The following SLC9A6 variants were observed in gnomAD, a reference collection of about 807,000 sequenced individuals.
The protein encoded by SLC9A6 is sodium/hydrogen exchanger 6.
Under a neutral mutation model 45.3 loss-of-function variants are expected in SLC9A6, and 6 were observed. The observed-to-expected ratio is 0.13, with a 90% CI of 0.07 to 0.26. The LOEUF (loss-of-function observed/expected upper bound fraction) is 0.26. Among genes scored for constraint, SLC9A6 ranks in the 10% least tolerant of loss-of-function variants. The pLI, the probability that SLC9A6 is intolerant of heterozygous loss-of-function variation, is 1.00. For synonymous variants in SLC9A6, 191 were observed against 187.7 expected (o/e 1.02, Z -0.14); for missense variants, 278 against 503.7 (o/e 0.55, Z 4.29).
chrX:135,979,102 A>G (rs1268608892), intron 1 of SLC9A6, among the ~76,000 whole-genome samples: 7 of 111,259 alleles, frequency 6.3e-5, no homozygotes, highest in African/African-American at 2.0e-4. Flanking sequence ...GCAGCACCCA[A>G]TTAAAGCTTT....
intron 2 of SLC9A6, among the ~76,000 whole-genome samples, chrX:135,990,698 C>T (rs1556615583): frequency 9.0e-6 from 1 of 110,572 alleles, no homozygotes; most frequent in Admixed American, 9.7e-5. Flanking sequence ...AGTGGGCACT[C>T]GGGAGGCGGA....
chrX:136,001,968 T>C (rs2089590712), intron 6 of SLC9A6, 140 bp from the exon 7 acceptor site: 1 of 461,595 alleles, frequency 2.2e-6, no homozygotes, highest in East Asian at 3.8e-5. Flanking sequence ...TACGGGGTCT[T>C]TAATATGGTA....
At position 136,022,689 on chromosome X, in the gene SLC9A6, T is replaced by C; in HGVS notation, c.1298T>C (p.Met433Thr). Residue 433 changes from methionine (M) to threonine (T), a missense_variant, in exon 12 of 18, where the codon ATG (methionine) becomes ACG (threonine). Met to Thr is a moderately conservative substitution (Grantham distance 81). Around this residue, in one of 5 missense-constraint regions of SLC9A6, gnomAD observed 15 missense variants for 58.1 expected, o/e 0.26. Transcript: ENST00000630721. ...GGATCAAATTTTCAACACATGATGATGTTTGCTGGTAAGTTGTAACTTTCT... is the reference window on the plus strand; with the variant it reads ...GGATCAAATTTTCAACACATGATGACGTTTGCTGGTAAGTTGTAACTTTCT... The part of the protein sequence containing the change: ...KIGSNFQHMM[M>T]FAGLRGAMAF... The C allele has an allele frequency of 8.6e-7, 1 of 1,161,174 alleles. No homozygotes were observed. The highest frequency in any genetic ancestry group is 1.2e-6 in the Non-Finnish European group (1 of 852,990).
At chrX:135,974,935 G>A in intron 1 of SLC9A6, 1 of 249,276 alleles carries the variant, frequency 4.0e-6, no homozygotes, top group South Asian at 4.0e-5. Flanking sequence ...CTCTGATCCG[G>A]GTAAAATGTA....
rs189012357 is a variant in SLC9A6, at chrX:136,043,574, A to C, written c.1768-878A>C. Among the ~76,000 whole-genome samples, 497 of 112,292 alleles carry C rather than the reference A, an allele frequency of 4.4e-3. 3 individuals are homozygous for C. Among genetic ancestry groups the C allele is most frequent in the African/African-American group, 0.015 (468 of 30,949 alleles). ...CATCAATGACAGACTGTTTTATGCT[A>C]GATCAATGTGAATATTTAGAATGAT... On this transcript the variant is annotated intron_variant, in intron 17 of 17. Coordinates refer to ENST00000630721, the MANE Select transcript of SLC9A6 (RefSeq NM_001379110.1).
chrX:136,018,017 G>A (rs2071053856), intron 11 of SLC9A6, among the ~76,000 whole-genome samples: 1 of 110,421 alleles, frequency 9.1e-6, no homozygotes, highest in African/African-American at 3.4e-5. Context: ...AACTGAGTGA[G>A]CTGAGAGAGC....
chrX:136,004,019 G>GGT (rs1205147099), intron 7 of SLC9A6, among the ~76,000 whole-genome samples: 14 of 108,224 alleles, frequency 1.3e-4, no homozygotes, highest in Non-Finnish European at 2.7e-4. Flanking sequence ...GTTACTATAA[G>GGT]GTGTTTGCAG....
rs376254654 is a variant in SLC9A6 at position 136,010,224 on chromosome X, A to AC, written c.744-208dup. Reference sequence around the variant, plus strand: ...CATATAGAGGATTTTACAATGTTCTACCCCCCCCCCGAAATTAACATTTAA... The same window carrying AC: ...CATATAGAGGATTTTACAATGTTCTACCCCCCCCCCCGAAATTAACATTTAA... On this transcript the variant is annotated intron_variant, in intron 7 of 17. Coordinates refer to ENST00000630721, the MANE Select transcript of SLC9A6 (RefSeq NM_001379110.1). 28,294 of 215,628 alleles carry AC rather than the reference A, an allele frequency of 0.13. 1,510 individuals are homozygous for AC. The highest frequency in any genetic ancestry group is 0.17 in the Non-Finnish European group (20,039 of 118,208). The allele number at this position is 215,628 out of a possible 1,213,427, so 17.8% of individuals were successfully genotyped here. A position where few individuals can be genotyped will look rare whatever the true frequency, so the allele number is the denominator to read the frequency against.
upstream of SLC9A6, chrX:135,985,192 G>T: frequency 4.4e-6 from 1 of 225,107 alleles, no homozygotes; most frequent in Non-Finnish European, 8.0e-6. Context: ...TCTGAGAATA[G>T]GATCAAAGTA....
chrX:136,018,322 C>A (rs2071059601), intron 11 of SLC9A6, among the ~76,000 whole-genome samples: 1 of 111,887 alleles, frequency 8.9e-6, no homozygotes, highest in Non-Finnish European at 1.9e-5. Context: ...ACTAGGGATC[C>A]ATTGTGTTTG....
chrX:136,042,197 C>G (rs2071523907), intron 17 of SLC9A6, among the ~76,000 whole-genome samples: 1 of 105,658 alleles, frequency 9.5e-6, no homozygotes, highest in Non-Finnish European at 1.9e-5. Flanking sequence ...TTTTTTTAGA[C>G]AGAGTCTCAC....
chrX:136,024,562 C>A, intron 13 of SLC9A6, 79 bp downstream of exon 13: 1 of 943,684 alleles, frequency 1.1e-6, no homozygotes, highest in Non-Finnish European at 1.5e-6. Context: ...AATTTTTAAT[C>A]TTTGGAGAAT....
intron 3 of SLC9A6, among the ~76,000 whole-genome samples, chrX:135,996,951 A>G (rs1394209869): frequency 2.7e-5 from 3 of 110,482 alleles, no homozygotes; most frequent in Non-Finnish European, 3.8e-5. Flanking sequence ...TATTTTTAAT[A>G]GAGACGGGGT....
intron 1 of SLC9A6, chrX:135,975,308 G>A (rs930225787): frequency 8.9e-6 from 1 of 112,457 alleles, no homozygotes; most frequent in African/African-American, 3.2e-5. Flanking sequence ...TAAATGCAAA[G>A]TATGATCACC....
chrX:135,996,496 T>C (rs2089498863), intron 3 of SLC9A6, among the ~76,000 whole-genome samples: 1 of 111,843 alleles, frequency 8.9e-6, no homozygotes, highest in African/African-American at 3.2e-5. Flanking sequence ...TTTGTGTTCA[T>C]GTCACATTCT....
chrX:135,985,449 T>C lies in SLC9A6; in HGVS notation c.-85T>C. ...CCCTTTCCCGTGAGCCCTCGGGGAGTGGTCCGACCGCGGGCGGCCGCCGGT... is the reference window on the plus strand; with the variant it reads ...CCCTTTCCCGTGAGCCCTCGGGGAGCGGTCCGACCGCGGGCGGCCGCCGGT... On this transcript the variant is annotated 5_prime_UTR_variant, in exon 1 of 18. Transcript: ENST00000630721. 1 of 906,192 alleles carries C rather than the reference T, an allele frequency of 1.1e-6. No homozygotes were observed. The highest frequency in any genetic ancestry group is 1.4e-6 in the Non-Finnish European group (1 of 703,241). 74.7% of individuals were successfully genotyped at this position (906,192 alleles called of 1,213,427 possible).
rs188978391 is a variant in SLC9A6, at chrX:136,023,337, C to T, written c.1306+640C>T. ...GATGAAGTCATTTTCAAACAAAAAC[C>T]AGTAGGTGAATGTATAGCAGTTCTT... On this transcript the variant is annotated intron_variant, in intron 12 of 17. Coordinates refer to ENST00000630721, the MANE Select transcript of SLC9A6 (RefSeq NM_001379110.1). Among the ~76,000 whole-genome samples the T allele has an allele frequency of 4.8e-3, 477 of 100,029 alleles. 3 individuals are homozygous for T. Among genetic ancestry groups the T allele is most frequent in the African/African-American group, 0.016 (423 of 27,044 alleles). The allele number at this position is 100,029 out of a possible 115,157, so 86.9% of individuals were successfully genotyped here.
At chrX:136,042,128 G>T (rs950226515) in intron 17 of SLC9A6, among the ~76,000 whole-genome samples, 3 of 110,080 alleles carry the variant, frequency 2.7e-5, no homozygotes, top group African/African-American at 9.9e-5. Flanking sequence ...ATCTTTTGGT[G>T]GGGGGTTGGG....
chrX:135,978,691 T>C (rs2148125024), intron 1 of SLC9A6, among the ~76,000 whole-genome samples: 1 of 111,324 alleles, frequency 9.0e-6, no homozygotes, highest in Admixed American at 9.6e-5. Context: ...CTAATGACAC[T>C]GCAAATCTTA....
Sources: allele counts gnomAD v4.1 joint callset (sites outside exome capture counted in the v4.1 genomes callset), GRCh38; gene constraint gnomAD v4.1.1; regional missense constraint gnomAD v4.1.1; transcripts MANE v1.5; gene names NCBI Gene and HGNC (gene_info 2026-07-23, HGNC 2026-07-21).